Variants in NRCAM observed in about 807,000 individuals in gnomAD.
NRCAM encodes NgCAM-related cell adhesion molecule.
NRCAM carries 83 observed loss-of-function variants against 156.5 expected under a neutral mutation model. The ratio of observed to expected loss-of-function variants is 0.53; its 90% CI spans 0.44 to 0.64. The LOEUF (loss-of-function observed/expected upper bound fraction) is 0.64, where lower values mean the gene tolerates loss of function less well. Among genes scored for constraint, NRCAM ranks in the 30% least tolerant of loss-of-function variants. NRCAM has a pLI of 0.00. For synonymous variants in NRCAM, 538 were observed against 563.9 expected (o/e 0.95, Z 0.65); for missense variants, 1,417 against 1,597.3 (o/e 0.89, Z 1.92).
Position 108,197,949 on chromosome 7 carries a change from A to G in NRCAM, c.1351+7T>C, listed in dbSNP as rs368771082. ...TTTGCCATGTCTTTAATAAAATGAG[A>G]GCTTACCCAGCACATTTACAAATGC... On this transcript the variant is annotated splice_region_variant and intron_variant, in intron 14 of 32. Transcript: ENST00000379028. 6 of 1,556,216 alleles carry G rather than the reference A, an allele frequency of 3.9e-6. No homozygotes were observed. Among genetic ancestry groups the G allele is most frequent in the Non-Finnish European group, 4.3e-6 (5 of 1,156,332 alleles).
chr7:108,335,493 C>T (rs1469413155), intron 2 of NRCAM, among the ~76,000 whole-genome samples: 1 of 121,448 alleles, frequency 8.2e-6, no homozygotes, highest in African/African-American at 3.1e-5. Context: ...GGCTGGCTGG[C>T]TGGCTGCCAA....
At chr7:108,300,919 C>T (rs967735825) in intron 3 of NRCAM, among the ~76,000 whole-genome samples, 6 of 151,820 alleles carry the variant, frequency 4.0e-5, no homozygotes, top group East Asian at 1.9e-4. Context: ...TTTTATTTTA[C>T]GTTTTATTCA....
rs771591247 is a variant in NRCAM at position 108,189,670 on chromosome 7, G to A, written c.2010C>T (p.Gly670=). ...DKSVQLSWTP[G]DDNNSPITKF... is the part of the protein sequence containing the mutation. ...TTGTAATGGGGCTATTGTTGTCATC[G>A]CCTGGGGTCCATGACAGCTGAACAC... Residue 670 remains glycine, a synonymous_variant, in exon 20 of 33, where the codon GGC becomes GGT. Transcript: ENST00000379028. 2.0e-6 allele frequency: 3 copies of A among 1,496,124 alleles called. No individual in the cohort carries two copies. The highest frequency in any genetic ancestry group is 2.8e-6 in the Non-Finnish European group (3 of 1,075,308). 92.7% of individuals were successfully genotyped at this position (1,496,124 alleles called of 1,614,324 possible).
chr7:108,290,364 G>C (rs2098249761), intron 3 of NRCAM, among the ~76,000 whole-genome samples: 1 of 152,078 alleles, frequency 6.6e-6, no homozygotes, highest in South Asian at 2.1e-4. Context: ...CTGACCACCA[G>C]ACTTCCTTGT....
chr7:108,284,870 T>C (rs1248905427), intron 3 of NRCAM, among the ~76,000 whole-genome samples: 1 of 152,248 alleles, frequency 6.6e-6, no homozygotes, highest in East Asian at 1.9e-4. Flanking sequence ...TGTTCTGCTT[T>C]GTGCTGCACG....
intron 2 of NRCAM, chr7:108,328,591 A>G (rs2099094604): frequency 6.6e-6 from 1 of 152,184 alleles, no homozygotes. Flanking sequence ...CTGACAGCCA[A>G]TCCAAAGCTG....
intron 1 of NRCAM, among the ~76,000 whole-genome samples, chr7:108,440,970 T>C (rs948904833): frequency 2.0e-5 from 3 of 152,170 alleles, no homozygotes; most frequent in Non-Finnish European, 4.4e-5. Flanking sequence ...TCAGGTGCGA[T>C]CTGGACACCA....
intron 3 of NRCAM, among the ~76,000 whole-genome samples, chr7:108,259,581 A>C (rs568313744): frequency 2.0e-5 from 3 of 152,214 alleles, no homozygotes; most frequent in Non-Finnish European, 4.4e-5. Context: ...TAGCAAGGAG[A>C]TGGAATCAAC....
intron 27 of NRCAM, among the ~76,000 whole-genome samples, chr7:108,175,923 T>C (rs1161056471): frequency 1.3e-5 from 2 of 152,148 alleles, no homozygotes; most frequent in African/African-American, 2.4e-5. Flanking sequence ...ACAAAATAAA[T>C]GCACTCTTTA....
chr7:108,255,507 G>C (rs1040161505), intron 3 of NRCAM, among the ~76,000 whole-genome samples: 7 of 152,062 alleles, frequency 4.6e-5, no homozygotes, highest in Admixed American at 2.0e-4. Flanking sequence ...GCGTGATCTC[G>C]GCTCGCTACA....
chr7:108,168,345 G>A lies in NRCAM; in HGVS notation c.3245C>T (p.Ala1082Val). Reference sequence around the variant, plus strand: ...TCCCTCATATTCCCAACTGATATTGGCATAGGTCTCAGCAGCTGCAGCAGT... The same window carrying A: ...TCCCTCATATTCCCAACTGATATTGACATAGGTCTCAGCAGCTGCAGCAGT... ...NLTAAAAETY[A>V]NISWEYEGPE... Residue 1082 changes from alanine to valine, a missense_variant, in exon 29 of 33, where the codon GCC (alanine) becomes GTC (valine). By Grantham distance (64) the Ala-to-Val change is moderately conservative (BLOSUM62 0). Coordinates refer to ENST00000379028, the MANE Select transcript of NRCAM (RefSeq NM_001037132.4). 6.2e-7 allele frequency: 1 copy of A among 1,609,542 alleles called. No individual in the cohort carries two copies. The highest frequency in any genetic ancestry group is 1.3e-5 in the African/African-American group (1 of 74,826).
At chr7:108,299,380 C>A (rs2098544224) in intron 3 of NRCAM, among the ~76,000 whole-genome samples, 1 of 151,966 alleles carries the variant, frequency 6.6e-6, no homozygotes, top group Non-Finnish European at 1.5e-5. Flanking sequence ...GCTTTCATTA[C>A]CACGATTTCT....
At chr7:108,411,215 T>A (rs1794941583) in intron 1 of NRCAM, among the ~76,000 whole-genome samples, 2 of 152,178 alleles carry the variant, frequency 1.3e-5, no homozygotes, top group South Asian at 4.1e-4. Flanking sequence ...CAATTATCTT[T>A]TTTTTTCTTA....
intron 12 of NRCAM, among the ~76,000 whole-genome samples, chr7:108,208,262 C>A (rs987785197): frequency 6.6e-6 from 1 of 151,910 alleles, no homozygotes; most frequent in Non-Finnish European, 1.5e-5. Flanking sequence ...GCCAAGATAG[C>A]CCATTACACT....
intron 2 of NRCAM, among the ~76,000 whole-genome samples, chr7:108,352,022 T>G (rs62469224): frequency 0.25 from 38,679 of 152,076 alleles, 5,454 homozygotes; most frequent in Middle Eastern, 0.32. Flanking sequence ...AAAAGACCAC[T>G]CACTCCCTGA....
chr7:108,235,723 T>C (rs1250400534), intron 5 of NRCAM, among the ~76,000 whole-genome samples: 1 of 152,116 alleles, frequency 6.6e-6, no homozygotes, highest in Non-Finnish European at 1.5e-5. Flanking sequence ...TGGTCTCGAC[T>C]GGGGTGGTAG....
intron 2 of NRCAM, among the ~76,000 whole-genome samples, chr7:108,371,103 C>T (rs1178580009): frequency 6.6e-6 from 1 of 152,034 alleles, no homozygotes; most frequent in African/African-American, 2.4e-5. Flanking sequence ...AAAAGCTAGA[C>T]CAAGGATAAC....
intron 2 of NRCAM, among the ~76,000 whole-genome samples, chr7:108,341,775 G>A (rs987231669): frequency 1.3e-5 from 2 of 152,108 alleles, no homozygotes; most frequent in African/African-American, 4.8e-5. Context: ...AAAGCCCAAG[G>A]CTTAGTAAAA....
At chr7:108,221,570 G>C (rs1454017093) in intron 11 of NRCAM, among the ~76,000 whole-genome samples, 3 of 152,160 alleles carry the variant, frequency 2.0e-5, no homozygotes, top group Non-Finnish European at 4.4e-5. Flanking sequence ...TGAGAATGGA[G>C]ACTATTATTC....
Sources: gnomAD v4.1 joint callset for allele counts (sites outside exome capture counted in the v4.1 genomes callset) on GRCh38, gnomAD v4.1.1 for gene constraint, MANE v1.5 for transcripts, NCBI Gene and HGNC (gene_info 2026-07-23, HGNC 2026-07-21) for gene names.